Variants in ARHGEF38 observed in about 807,000 individuals in gnomAD.
ARHGEF38 encodes the protein Rho guanine nucleotide exchange factor (GEF) 38.
In ARHGEF38, 79 loss-of-function variants were observed where a neutral mutation model predicts 79.9. That is an observed-to-expected ratio of 0.99 (90% CI 0.82 to 1.19). ARHGEF38 has a LOEUF of 1.19. ARHGEF38 is among the 50% of genes most tolerant of loss of function. The pLI is 0.00. For missense variants in ARHGEF38, 962 were observed against 907.2 expected, an observed-to-expected ratio of 1.06 and a Z score of -0.78; for synonymous variants, 366 against 328.3, an observed-to-expected ratio of 1.11 and a Z score of -1.24.
rs559771040 is a variant in ARHGEF38 at position 105,670,226 on chromosome 4, G to A, written c.2148+2523G>A. ...TGCCAAACTGTAATCCAAAGTGGGC[G>A]CACCATTTTAGATTCCTACCAGCAA... On this transcript the variant is annotated intron_variant, in intron 13 of 13. Transcript: ENST00000420470. Among the ~76,000 whole-genome samples, 17 of 152,242 alleles carry A rather than the reference G, an allele frequency of 1.1e-4. 1 individual carries two copies. In the South Asian group the frequency reaches 2.5e-3, roughly 22 times the overall value.
intron 3 of ARHGEF38, among the ~76,000 whole-genome samples, chr4:105,630,428 G>A (rs1230016403): frequency 5.3e-5 from 8 of 151,970 alleles, no homozygotes; most frequent in Admixed American, 4.6e-4. Context: ...ATTTTTAGTA[G>A]AGACGGGGTT....
intron 3 of ARHGEF38, among the ~76,000 whole-genome samples, chr4:105,629,299 C>T (rs1729085024): frequency 6.6e-6 from 1 of 152,102 alleles, no homozygotes; most frequent in African/African-American, 2.4e-5. Context: ...AAGAATACAG[C>T]CTCTAATTCT....
rs150714186 is a variant in ARHGEF38, at chr4:105,656,302, C to A, written c.1233+580C>A. ...AACTCCTGGGGTCAAGTGAGCTATG[C>A]TTTTCTTAAACAAGTCTCTGGAAAT... On this transcript the variant is annotated intron_variant, in intron 9 of 13. Coordinates refer to ENST00000420470, the MANE Select transcript of ARHGEF38 (RefSeq NM_001242729.2). 2.2e-3 allele frequency among the ~76,000 whole-genome samples: 330 copies of A among 152,212 alleles called. 2 individuals are homozygous for A. The highest frequency in any genetic ancestry group is 7.4e-3 in the African/African-American group (308 of 41,540).
intron 2 of ARHGEF38, among the ~76,000 whole-genome samples, chr4:105,611,363 C>T (rs1163493335): frequency 2.6e-5 from 4 of 151,960 alleles, no homozygotes; most frequent in Admixed American, 6.6e-5. Flanking sequence ...TTGATTCATA[C>T]ACAACTTTTG....
chr4:105,608,808 C>T (rs540437991), intron 2 of ARHGEF38, among the ~76,000 whole-genome samples: 3 of 152,002 alleles, frequency 2.0e-5, no homozygotes, highest in Non-Finnish European at 4.4e-5. Flanking sequence ...TATTTCATCT[C>T]TCAGGTATTA....
At chr4:105,597,279 C>T (rs1727624395) in intron 2 of ARHGEF38, among the ~76,000 whole-genome samples, 1 of 151,994 alleles carries the variant, frequency 6.6e-6, no homozygotes, top group African/African-American at 2.4e-5. Flanking sequence ...TAAAATTTTG[C>T]CCACATAACA....
chr4:105,679,546 C>A lies in ARHGEF38; in HGVS notation c.*1609C>A, dbSNP rs1365557322. ...ACACCAGAAATGTGGGCTAAAGCTG[C>A]AGCCAATGCATCTATCGCCCCTTTC... On this transcript the variant is annotated 3_prime_UTR_variant, in exon 14 of 14. Transcript: ENST00000420470. 4.3e-6 allele frequency: 5 copies of A among 1,149,904 alleles called. No homozygotes were observed. The highest frequency in any genetic ancestry group is 4.0e-6 in the Non-Finnish European group (3 of 759,068). The allele number at this position is 1,149,904 out of a possible 1,614,324, so 71.2% of individuals were successfully genotyped here.
intron 5 of ARHGEF38, among the ~76,000 whole-genome samples, chr4:105,637,171 A>T (rs572595660): frequency 6.6e-6 from 1 of 152,206 alleles, no homozygotes; most frequent in East Asian, 1.9e-4. Context: ...TAAATTCCTA[A>T]GAGTTTATAT....
At chr4:105,602,215 A>G (rs1341685369) in intron 2 of ARHGEF38, among the ~76,000 whole-genome samples, 1 of 152,172 alleles carries the variant, frequency 6.6e-6, no homozygotes, top group Non-Finnish European at 1.5e-5. Flanking sequence ...AAGTTTAAAA[A>G]TGAGTTAATT....
chr4:105,615,857 C>A (rs1213526091), intron 3 of ARHGEF38, among the ~76,000 whole-genome samples: 1 of 152,076 alleles, frequency 6.6e-6, no homozygotes, highest in Non-Finnish European at 1.5e-5. Context: ...AGGGAAGTGG[C>A]TGATTAAATG....
rs1218083375 is a variant in ARHGEF38 at position 105,659,340 on chromosome 4, A to C, written c.1520A>C (p.Gln507Pro). The C allele has an allele frequency of 6.5e-7, 1 of 1,535,302 alleles. No homozygotes were observed. Among genetic ancestry groups the C allele is most frequent in the African/African-American group, 1.4e-5 (1 of 73,144 alleles). The part of the protein sequence containing the change: ...TLLRDLMLVA[Q>P]QAYSTLVPMP... ...CTTAGGGACCTGATGCTCGTGGCAC[A>C]GCAGGCTTACTCCACACTTGTGCCG... is the stretch of plus-strand genomic sequence containing the variant. The change falls in exon 10 of 14, where the codon CAG becomes CCG. Residue 507 changes from glutamine to proline, a missense_variant. Physicochemically the swap from Gln to Pro is moderately conservative, Grantham distance 76 (BLOSUM62 -1). Coordinates refer to ENST00000420470, the MANE Select transcript of ARHGEF38 (RefSeq NM_001242729.2).
At chr4:105,629,075 G>A (rs925938959) in intron 3 of ARHGEF38, among the ~76,000 whole-genome samples, 3 of 150,254 alleles carry the variant, frequency 2.0e-5, no homozygotes, top group East Asian at 2.1e-4. Context: ...ATCATTCTCC[G>A]ATTGTATAAT....
At chr4:105,636,001 T>C (rs1729382145) in intron 4 of ARHGEF38, among the ~76,000 whole-genome samples, 2 of 152,186 alleles carry the variant, frequency 1.3e-5, no homozygotes, top group East Asian at 1.9e-4. Context: ...ATTAAATCCA[T>C]TAAATTTTAC....
intron 13 of ARHGEF38, among the ~76,000 whole-genome samples, chr4:105,668,627 A>T (rs1730844741): frequency 6.6e-6 from 1 of 151,688 alleles, no homozygotes; most frequent in African/African-American, 2.4e-5. Flanking sequence ...ATTTATTTAA[A>T]TTTATTTTTA....
chr4:105,582,653 T>G (rs199326), intron 1 of ARHGEF38, among the ~76,000 whole-genome samples: 1 of 151,990 alleles, frequency 6.6e-6, no homozygotes, highest in Admixed American at 6.6e-5. Context: ...AATGTATTTC[T>G]TCAAGTGTCC....
intron 7 of ARHGEF38, among the ~76,000 whole-genome samples, 156 bp downstream of exon 7, chr4:105,648,838 CTCTCTCTCTT>C (rs1209295576): frequency 4.6e-5 from 7 of 150,764 alleles, no homozygotes; most frequent in African/African-American, 1.5e-4. Flanking sequence ...CTCTCTCTCT[CTCTCTCTCTT>C]TCTCTCTCTC....
chr4:105,610,690 G>A (rs11945534), intron 2 of ARHGEF38, among the ~76,000 whole-genome samples: 29 of 152,122 alleles, frequency 1.9e-4, no homozygotes, highest in South Asian at 6.2e-4. Context: ...TGATATGGGC[G>A]TTTGAAATCA....
chr4:105,589,080 G>C (rs542514744), intron 1 of ARHGEF38, among the ~76,000 whole-genome samples, 168 bp from the exon 2 acceptor site: 1 of 152,252 alleles, frequency 6.6e-6, no homozygotes, highest in African/African-American at 2.4e-5. Flanking sequence ...TTTTCTTCTT[G>C]CTTATAGTTT....
intron 7 of ARHGEF38, among the ~76,000 whole-genome samples, chr4:105,652,574 G>T (rs539108034): frequency 4.3e-4 from 66 of 152,308 alleles, no homozygotes; most frequent in Non-Finnish European, 7.2e-4. Flanking sequence ...AAAGAAAACA[G>T]CATGGAAAAG....
Sources: gnomAD v4.1 joint callset for allele counts (sites outside exome capture counted in the v4.1 genomes callset) on GRCh38, gnomAD v4.1.1 for gene constraint, MANE v1.5 for transcripts, NCBI Gene and HGNC (gene_info 2026-07-23, HGNC 2026-07-21) for gene names.